The following GAREM1 variants were observed in gnomAD, a reference collection of about 807,000 sequenced individuals.
GAREM1 encodes the protein GRB2 associated regulator of MAPK1 subtype 1, also known as GRB2-associated and regulator of MAPK protein 1.
In GAREM1, 26 loss-of-function variants were observed where a neutral mutation model predicts 71.3. The ratio of observed to expected loss-of-function variants is 0.36; its 90% confidence interval spans 0.27 to 0.51. The LOEUF (loss-of-function observed/expected upper bound fraction) is 0.51. Ranked by LOEUF, GAREM1 falls within the 20% of genes least tolerant of loss-of-function variation. The pLI is 0.95. For synonymous variants in GAREM1, 440 were observed against 433.2 expected (o/e 1.02, Z -0.20); for missense variants, 1,026 against 1,103.1 (o/e 0.93, Z 0.99).
chr18:32,368,849 C>T (rs1265563708), intron 2 of GAREM1, among the ~76,000 whole-genome samples: 2 of 152,024 alleles, frequency 1.3e-5, no homozygotes, highest in Admixed American at 1.3e-4. Flanking sequence ...GGTAATAACA[C>T]CAGTAAAATT....
At chr18:32,384,604 A>G (rs1330456457) in intron 2 of GAREM1, among the ~76,000 whole-genome samples, 1 of 152,198 alleles carries the variant, frequency 6.6e-6, no homozygotes, top group Admixed American at 6.5e-5. Context: ...TTTTATAATC[A>G]CATTTCACCC....
At chr18:32,285,085 T>C (rs2046999434) in intron 4 of GAREM1, among the ~76,000 whole-genome samples, 1 of 152,068 alleles carries the variant, frequency 6.6e-6, no homozygotes, top group African/African-American at 2.4e-5. Flanking sequence ...TGATGAACAT[T>C]CTTAGGGAAT....
chr18:32,396,761 A>G lies in GAREM1; in HGVS notation c.122-3726T>C, dbSNP rs572364180. 1.2e-3 allele frequency among the ~76,000 whole-genome samples: 190 copies of G among 152,310 alleles called. 1 individual carries two copies. Among genetic ancestry groups the G allele is most frequent in the African/African-American group, 4.4e-3 (183 of 41,558 alleles). On this transcript the variant is annotated intron_variant, in intron 1 of 5. Coordinates refer to ENST00000269209, the MANE Select transcript of GAREM1 (RefSeq NM_001242409.2). ...GATATTATCCAGGAGAACTTCCCCAATCTAGCAAGGCCGGCCAACATTCAA... is the reference window on the plus strand; with the variant it reads ...GATATTATCCAGGAGAACTTCCCCAGTCTAGCAAGGCCGGCCAACATTCAA...
At chr18:32,443,827 A>G (rs748955421) in intron 1 of GAREM1, among the ~76,000 whole-genome samples, 9 of 152,208 alleles carry the variant, frequency 5.9e-5, no homozygotes, top group Non-Finnish European at 1.2e-4. Context: ...ACAGATGTCC[A>G]TATCAGCAAT....
intron 2 of GAREM1, among the ~76,000 whole-genome samples, chr18:32,322,871 C>T (rs76120334): frequency 0.034 from 5,248 of 152,288 alleles, 291 homozygotes; most frequent in African/African-American, 0.12. Context: ...CTTAATTAGA[C>T]CGCAGTGCCG....
Position 32,415,402 on chromosome 18 carries a change from A to AAAAC in GAREM1, c.122-22371_122-22368dup, listed in dbSNP as rs141783432. ...TACCCAAACCAGACAAAGGCACATCAAAACAAACAAACAAACAAACAAACA... is the reference window on the plus strand; with the variant it reads ...TACCCAAACCAGACAAAGGCACATCAAAACAAACAAACAAACAAACAAACAAACA... On this transcript the variant is annotated intron_variant, in intron 1 of 5. Transcript: ENST00000269209. Among the ~76,000 whole-genome samples, 1,053 of 152,044 alleles carry AAAAC rather than the reference A, an allele frequency of 6.9e-3. 19 individuals are homozygous for AAAAC. Among genetic ancestry groups the AAAAC allele is most frequent in the African/African-American group, 0.024 (984 of 41,484 alleles).
intron 4 of GAREM1, among the ~76,000 whole-genome samples, chr18:32,273,413 GGAACTCCC>G (rs148213589): frequency 2.7e-3 from 417 of 152,288 alleles, no homozygotes; most frequent in African/African-American, 9.0e-3. Flanking sequence ...TTGACCTAAA[GGAACTCCC>G]GAACTCCCCT....
chr18:32,309,307 C>T (rs192298584), intron 3 of GAREM1, among the ~76,000 whole-genome samples: 1 of 149,458 alleles, frequency 6.7e-6, no homozygotes, highest in Non-Finnish European at 1.5e-5. Context: ...ACAAGGACTG[C>T]ACTGTCCCTT....
chr18:32,342,278 A>G (rs2047654890), intron 2 of GAREM1, among the ~76,000 whole-genome samples: 2 of 152,092 alleles, frequency 1.3e-5, no homozygotes, highest in Non-Finnish European at 2.9e-5. Context: ...CACATTTACC[A>G]TCAATAACTC....
At chr18:32,421,286 C>T (rs2048517393) in intron 1 of GAREM1, among the ~76,000 whole-genome samples, 2 of 152,094 alleles carry the variant, frequency 1.3e-5, no homozygotes, top group Non-Finnish European at 2.9e-5. Context: ...AGTAAGCACT[C>T]AACAAAGCTT....
intron 2 of GAREM1, among the ~76,000 whole-genome samples, chr18:32,348,461 C>A (rs562627106): frequency 4.4e-4 from 67 of 152,146 alleles, no homozygotes; most frequent in African/African-American, 1.5e-3. Context: ...TGGTGGCTCA[C>A]ACCTGTAATC....
chr18:32,401,539 C>G (rs1169999685), intron 1 of GAREM1, among the ~76,000 whole-genome samples: 1 of 151,914 alleles, frequency 6.6e-6, no homozygotes, highest in East Asian at 1.9e-4. Context: ...ATGTGAGCTG[C>G]TCTTTCTTTG....
chr18:32,412,032 A>G, intron 1 of GAREM1: 2 of 674,184 alleles, frequency 3.0e-6, no homozygotes, highest in Admixed American at 2.1e-5. Flanking sequence ...TTATACAATT[A>G]GTCACAAACA....
chr18:32,430,034 C>T (rs773118247), intron 1 of GAREM1, among the ~76,000 whole-genome samples: 48 of 152,126 alleles, frequency 3.2e-4, no homozygotes, highest in Non-Finnish European at 4.7e-4. Context: ...AACACCATGT[C>T]ACTGTATTAT....
chr18:32,421,357 TC>T (rs1390012427), intron 1 of GAREM1, among the ~76,000 whole-genome samples: 1 of 152,166 alleles, frequency 6.6e-6, no homozygotes, highest in Non-Finnish European at 1.5e-5. Context: ...CTTCTGCACA[TC>T]CCCTTTGTTC....
chr18:32,295,133 C>T (rs766946562), intron 3 of GAREM1, among the ~76,000 whole-genome samples: 1 of 151,868 alleles, frequency 6.6e-6, no homozygotes, highest in South Asian at 2.1e-4. Context: ...GGCATGATCT[C>T]GGCTCGCTGC....
intron 1 of GAREM1, among the ~76,000 whole-genome samples, chr18:32,394,381 A>T (rs1416802527): frequency 6.6e-6 from 1 of 152,178 alleles, no homozygotes; most frequent in Admixed American, 6.5e-5. Context: ...CAGCCTGGGT[A>T]ACGGAGCGAG....
At chr18:32,314,887 A>T (rs940369775) in intron 2 of GAREM1, among the ~76,000 whole-genome samples, 6 of 152,066 alleles carry the variant, frequency 3.9e-5, no homozygotes, top group Non-Finnish European at 7.4e-5. Context: ...GCGCCCTGCC[A>T]ATTTTTTTGA....
chr18:32,442,022 T>C (rs1026166168), intron 1 of GAREM1, among the ~76,000 whole-genome samples: 18 of 152,076 alleles, frequency 1.2e-4, no homozygotes, highest in African/African-American at 4.3e-4. Context: ...AAAAAATCCC[T>C]CTGAGGTGCT....
Sources: allele counts gnomAD v4.1 joint callset (sites outside exome capture counted in the v4.1 genomes callset), GRCh38; gene constraint gnomAD v4.1.1; transcripts MANE v1.5; gene names NCBI Gene and HGNC (gene_info 2026-07-23, HGNC 2026-07-21).